Variants in TTC13 observed in about 807,000 individuals in gnomAD.
TTC13 encodes tetratricopeptide repeat domain 13, also known as tetratricopeptide repeat protein 13.
In TTC13, 62 loss-of-function variants were observed where a neutral mutation model predicts 120.0. That is an observed-to-expected ratio of 0.52 (90% CI 0.42 to 0.64). TTC13 has a LOEUF of 0.64. Ranked by LOEUF, TTC13 falls within the 30% of genes least tolerant of loss-of-function variation. The probability of loss-of-function intolerance (pLI) is 0.00; values close to 1 mark genes in which losing one functional copy is unlikely to be tolerated. For synonymous variants in TTC13, 384 were observed against 393.5 expected, an observed-to-expected ratio of 0.98 and a Z score of 0.28; for missense variants, 824 against 1,050.2, an observed-to-expected ratio of 0.78 and a Z score of 2.98.
intron 19 of TTC13, among the ~76,000 whole-genome samples, chr1:230,912,175 C>T (rs1671576531): frequency 6.6e-6 from 1 of 152,104 alleles, no homozygotes; most frequent in Non-Finnish European, 1.5e-5. Context: ...AGGCCACAGA[C>T]CAGGAAAGGG....
chr1:230,973,458 T>C (rs1371643585), intron 1 of TTC13, among the ~76,000 whole-genome samples: 2 of 152,152 alleles, frequency 1.3e-5, no homozygotes, highest in Non-Finnish European at 2.9e-5. Flanking sequence ...CCTTTTCCCA[T>C]AAAGAACTGT....
chr1:230,978,515 C>T lies in TTC13; in HGVS notation c.271+45G>A, dbSNP rs1237112849. On this transcript the variant is annotated intron_variant, in intron 1 of 22. Coordinates refer to ENST00000366661, the MANE Select transcript of TTC13 (RefSeq NM_024525.5). This position sits in a 1 kb window ranked among gnomAD's most constrained non-coding sequence, Gnocchi z 5.6. The stretch of plus-strand genomic sequence containing the variant: ...CCGGCCCGGGACCCCAGCCCCGCTG[C>T]CCCGCCGCCCCGGCCGACTCGGACG... 3 of 613,436 alleles carry T rather than the reference C, an allele frequency of 4.9e-6. No homozygotes were observed. Among genetic ancestry groups the T allele is most frequent in the Non-Finnish European group, 7.1e-6 (3 of 422,240 alleles). 38.0% of individuals were successfully genotyped at this position (613,436 alleles called of 1,614,324 possible).
In TTC13 at chr1:230,978,514, GC is replaced by G. The variant is rs1272984404; in HGVS notation, c.271+45del. The G allele has an allele frequency of 2.7e-5, 16 of 601,334 alleles. No individual in the cohort carries two copies. Among genetic ancestry groups the G allele is most frequent in the Non-Finnish European group, 3.9e-5 (16 of 411,460 alleles). The allele number at this position is 601,334 out of a possible 1,614,324, so 37.2% of individuals were successfully genotyped here. ...CCCGGCCCGGGACCCCAGCCCCGCT[GC>G]CCCGCCGCCCCGGCCGACTCGGACG... On this transcript the variant is annotated intron_variant, in intron 1 of 22. Coordinates refer to ENST00000366661, the MANE Select transcript of TTC13 (RefSeq NM_024525.5). The surrounding 1 kb of genome is among the most constrained non-coding windows in gnomAD (Gnocchi z 5.6).
intron 4 of TTC13, among the ~76,000 whole-genome samples, chr1:230,952,358 C>T (rs1299940619): frequency 2.0e-5 from 3 of 152,126 alleles, no homozygotes; most frequent in African/African-American, 7.2e-5. Context: ...GAGGAAAGCA[C>T]CAGCAGGAAA....
At chr1:230,941,293 GTTTA>G (rs1674515518) in intron 6 of TTC13, among the ~76,000 whole-genome samples, 1 of 152,052 alleles carries the variant, frequency 6.6e-6, no homozygotes, top group African/African-American at 2.4e-5. Flanking sequence ...TTAAATTAGG[GTTTA>G]TTTTGTTGTT....
At chr1:230,925,789 C>T in intron 12 of TTC13, 142 bp from the exon 13 acceptor site, 1 of 876,834 alleles carries the variant, frequency 1.1e-6, no homozygotes, top group Non-Finnish European at 1.8e-6. Flanking sequence ...CAGTCCTTTG[C>T]ACCCAACCAT....
At position 230,978,611 on chromosome 1, in the gene TTC13, A is replaced by AGCCGCC; in HGVS notation, c.214_219dup (p.Gly72_Gly73dup). On this transcript the variant is annotated inframe_insertion, in exon 1 of 23. Coordinates refer to ENST00000366661, the MANE Select transcript of TTC13 (RefSeq NM_024525.5). The surrounding 1 kb of genome is among the most constrained non-coding windows in gnomAD (Gnocchi z 5.6). ...CCCCAGTCCCCGGACTGCGGGCTGCAGCCGCCGCCGCCCGCCGGGGCCTCC... is the reference window on the plus strand; with the variant it reads ...CCCCAGTCCCCGGACTGCGGGCTGCAGCCGCCGCCGCCGCCGCCCGCCGGGGCCTCC... 1 of 1,442,094 alleles carries AGCCGCC rather than the reference A, an allele frequency of 6.9e-7. No homozygotes were observed. Among genetic ancestry groups the AGCCGCC allele is most frequent in the Non-Finnish European group, 9.1e-7 (1 of 1,094,528 alleles). 89.3% of individuals were successfully genotyped at this position (1,442,094 alleles called of 1,614,324 possible).
chr1:230,975,394 C>T (rs1485600722), intron 1 of TTC13, among the ~76,000 whole-genome samples: 1 of 152,018 alleles, frequency 6.6e-6, no homozygotes, highest in East Asian at 1.9e-4. Context: ...GAAAAAACAA[C>T]AGCACCTACT....
chr1:230,961,771 A>G (rs1485635317), intron 1 of TTC13, among the ~76,000 whole-genome samples: 18 of 152,196 alleles, frequency 1.2e-4, no homozygotes, highest in Admixed American at 1.2e-3. Flanking sequence ...AAAGAGTACT[A>G]GTACAATGCT....
At chr1:230,948,400 CAAA>C (rs57051929) in intron 4 of TTC13, among the ~76,000 whole-genome samples, 2 of 96,614 alleles carry the variant, frequency 2.1e-5, no homozygotes, top group Non-Finnish European at 4.1e-5. Context: ...ACTCACAATA[CAAA>C]AAAAAAAAAA....
chr1:230,944,850 A>G lies in TTC13; in HGVS notation c.579+539T>C, dbSNP rs1162362600. Among the ~76,000 whole-genome samples the G allele has an allele frequency of 6.6e-6, 1 of 152,128 alleles. No individual in the cohort carries two copies. Among genetic ancestry groups the G allele is most frequent in the Admixed American group, 6.5e-5 (1 of 15,282 alleles). ...TACACCATTTCGTGATTTACTATAT[A>G]ATTTCAGGAGTCTTCATTTTTATAC... On this transcript the variant is annotated intron_variant, in intron 5 of 22. Coordinates refer to ENST00000366661, the MANE Select transcript of TTC13 (RefSeq NM_024525.5). This position sits in a 1 kb window ranked among gnomAD's most constrained non-coding sequence, Gnocchi z 4.0.
chr1:230,969,050 G>A (rs1246661281), intron 1 of TTC13, among the ~76,000 whole-genome samples: 12 of 152,090 alleles, frequency 7.9e-5, no homozygotes, highest in East Asian at 1.9e-4. Context: ...TGAGGTGGGC[G>A]GATCACGAGG....
chr1:230,949,343 C>T (rs12140166), intron 4 of TTC13, among the ~76,000 whole-genome samples: 10,530 of 141,882 alleles, frequency 0.074, 458 homozygotes, highest in Non-Finnish European at 0.089. Context: ...CAGTGAATGA[C>T]GTATGGTGGC....
rs1315732191 is a variant in TTC13 at position 230,940,719 on chromosome 1, A to G, written c.673-163T>C. Among the ~76,000 whole-genome samples, 13 of 152,148 alleles carry G rather than the reference A, an allele frequency of 8.5e-5. No homozygotes were observed. The highest frequency in any genetic ancestry group is 2.9e-5 in the Non-Finnish European group (2 of 68,030). ...TATTATGCGGTGGGGTTCAAAGTCAACCAGCTGAGGTGCCACTAATCTTTG... is the reference window on the plus strand; with the variant it reads ...TATTATGCGGTGGGGTTCAAAGTCAGCCAGCTGAGGTGCCACTAATCTTTG... On this transcript the variant is annotated intron_variant, in intron 6 of 22. Coordinates refer to ENST00000366661, the MANE Select transcript of TTC13 (RefSeq NM_024525.5). The surrounding 1 kb of genome is among the most constrained non-coding windows in gnomAD (Gnocchi z 4.1).
At chr1:230,915,056 T>C (rs1475790158) in intron 18 of TTC13, among the ~76,000 whole-genome samples, 2 of 152,174 alleles carry the variant, frequency 1.3e-5, no homozygotes. Flanking sequence ...TGATCTTTAT[T>C]GGGAACGTAC....
rs143232872 is a variant in TTC13, at chr1:230,942,774, C to G, written c.672+1032G>C. On this transcript the variant is annotated intron_variant, in intron 6 of 22. Transcript: ENST00000366661. The surrounding 1 kb of genome is among the most constrained non-coding windows in gnomAD (Gnocchi z 4.0). ...CAGACTCTCTTCCCTGCGCTGAACA[C>G]TCTCCTCCATCTTGTCCCCACCACA... Among the ~76,000 whole-genome samples, 6 of 152,314 alleles carry G rather than the reference C, an allele frequency of 3.9e-5. No individual in the cohort carries two copies. Among genetic ancestry groups the G allele is most frequent in the African/African-American group, 1.4e-4 (6 of 41,572 alleles).
chr1:230,914,389 ATTATT>A (rs67464520), intron 18 of TTC13, among the ~76,000 whole-genome samples: 26,772 of 151,414 alleles, frequency 0.18, 2,489 homozygotes, highest in East Asian at 0.39. Context: ...TATTTTCCTT[ATTATT>A]TTCTTTTTTT....
At chr1:230,913,254 C>T (rs1297501324) in intron 18 of TTC13, among the ~76,000 whole-genome samples, 1 of 152,184 alleles carries the variant, frequency 6.6e-6, no homozygotes, top group African/African-American at 2.4e-5. Flanking sequence ...ATACAACAGG[C>T]ATTTTTTGTA....
intron 3 of TTC13, among the ~76,000 whole-genome samples, chr1:230,957,867 C>T (rs139609179): frequency 1.4e-4 from 21 of 151,920 alleles, no homozygotes; most frequent in Non-Finnish European, 2.7e-4. Flanking sequence ...TTAAACATAG[C>T]TATTTCACTA....
Sources: gnomAD v4.1 joint callset for allele counts (sites outside exome capture counted in the v4.1 genomes callset) on GRCh38, gnomAD v4.1.1 for gene constraint, Gnocchi (gnomAD v3.1) non-coding constraint, MANE v1.5 for transcripts, NCBI Gene and HGNC (gene_info 2026-07-23, HGNC 2026-07-21) for gene names.